CTNNA3: variants seen among roughly 807,000 people sequenced by gnomAD.
The protein encoded by CTNNA3 is catenin alpha 3, also known as catenin alpha-3.
A neutral mutation model predicts 95.7 loss-of-function variants in CTNNA3; 76 were observed. The ratio of observed to expected loss-of-function variants is 0.79; its 90% CI spans 0.66 to 0.96. CTNNA3 has a LOEUF of 0.96. CTNNA3 is among the 40% of genes least tolerant of loss of function. The probability of loss-of-function intolerance (pLI) is 0.00; values close to 1 mark genes in which losing one functional copy is unlikely to be tolerated. For missense variants in CTNNA3, 1,191 were observed against 1,089.8 expected (o/e 1.09, Z -1.31); for synonymous variants, 431 against 374.4 (o/e 1.15, Z -1.74).
intron 11 of CTNNA3, among the ~76,000 whole-genome samples, chr10:66,464,983 T>C (rs1243841215): frequency 6.6e-6 from 1 of 152,144 alleles, no homozygotes; most frequent in East Asian, 1.9e-4. Flanking sequence ...TCTTCCTTAG[T>C]TCCATATGGT....
At chr10:66,983,237 T>C (rs1308225526) in intron 7 of CTNNA3, among the ~76,000 whole-genome samples, 1 of 152,116 alleles carries the variant, frequency 6.6e-6, no homozygotes, top group Non-Finnish European at 1.5e-5. Flanking sequence ...CTGCCACAGA[T>C]TTCATTCCAT....
At chr10:67,471,725 C>T (rs1005407379) in intron 5 of CTNNA3, among the ~76,000 whole-genome samples, 6 of 152,050 alleles carry the variant, frequency 3.9e-5, no homozygotes, top group African/African-American at 1.4e-4. Context: ...CTGCATCTTG[C>T]CAAAGATGAG....
At chr10:67,291,651 A>T (rs1839841118) in intron 5 of CTNNA3, among the ~76,000 whole-genome samples, 1 of 152,176 alleles carries the variant, frequency 6.6e-6, no homozygotes, top group Admixed American at 6.6e-5. Flanking sequence ...TTTACTATGT[A>T]ACCATCTACC....
intron 13 of CTNNA3, among the ~76,000 whole-genome samples, chr10:66,256,492 G>A (rs1196464089): frequency 1.3e-5 from 2 of 149,434 alleles, no homozygotes; most frequent in African/African-American, 2.4e-5. Flanking sequence ...GGCCGAGGCG[G>A]GTGGATAACC....
intron 5 of CTNNA3, among the ~76,000 whole-genome samples, chr10:67,226,179 AAAG>A (rs1225473232): frequency 2.6e-5 from 4 of 152,284 alleles, no homozygotes; most frequent in African/African-American, 9.6e-5. Flanking sequence ...GACAAAGAAA[AAAG>A]AATAAGAAAA....
chr10:66,500,457 C>T (rs561147602), intron 11 of CTNNA3, among the ~76,000 whole-genome samples: 1 of 152,166 alleles, frequency 6.6e-6, no homozygotes, highest in East Asian at 1.9e-4. Flanking sequence ...TGGTTGAAAA[C>T]ACCTTACAGA....
At chr10:66,978,425 G>A (rs1850189167) in intron 7 of CTNNA3, among the ~76,000 whole-genome samples, 2 of 150,160 alleles carry the variant, frequency 1.3e-5, no homozygotes, top group African/African-American at 4.9e-5. Context: ...TATTCAGGAG[G>A]CTGAGGCAGG....
intron 5 of CTNNA3, among the ~76,000 whole-genome samples, chr10:67,497,882 T>C (rs890866258): frequency 6.6e-6 from 1 of 152,192 alleles, no homozygotes; most frequent in Admixed American, 6.5e-5. Context: ...ATTCAGTGGG[T>C]TGCCTGTTCA....
chr10:66,717,037 G>GAA lies in CTNNA3; in HGVS notation c.1281+49225_1281+49226dup, dbSNP rs796489841. On this transcript the variant is annotated intron_variant, in intron 9 of 17. Transcript: ENST00000433211. ...GCCATAAAAGCAAAAGATAAAAACAGAAAAAAAAAAAAACAGAAAACTGAG... is the reference window on the plus strand; with the variant it reads ...GCCATAAAAGCAAAAGATAAAAACAGAAAAAAAAAAAAAAACAGAAAACTGAG... 4.9e-3 allele frequency among the ~76,000 whole-genome samples: 665 copies of GAA among 135,208 alleles called. 6 individuals carry two copies. Among genetic ancestry groups the GAA allele is most frequent in the African/African-American group, 0.017 (630 of 37,130 alleles). The allele number at this position is 135,208 out of a possible 152,430, so 88.7% of individuals were successfully genotyped here.
chr10:66,023,251 G>A (rs1589260520), intron 15 of CTNNA3, among the ~76,000 whole-genome samples: 1 of 152,156 alleles, frequency 6.6e-6, no homozygotes, highest in East Asian at 1.9e-4. Flanking sequence ...GTTTTAAGTA[G>A]TTCGTGGAAT....
chr10:67,175,949 T>A (rs1255570380), intron 7 of CTNNA3, among the ~76,000 whole-genome samples: 3 of 152,146 alleles, frequency 2.0e-5, no homozygotes, highest in African/African-American at 4.8e-5. Flanking sequence ...TATAAAAAAA[T>A]TCCTTAATTA....
chr10:67,508,963 G>A (rs1178342099), intron 5 of CTNNA3, among the ~76,000 whole-genome samples: 2 of 151,264 alleles, frequency 1.3e-5, no homozygotes, highest in African/African-American at 2.4e-5. Flanking sequence ...TGCAACCTCC[G>A]CCTCCTGGGT....
chr10:66,489,989 T>C (rs1839868428), intron 11 of CTNNA3, among the ~76,000 whole-genome samples: 1 of 152,222 alleles, frequency 6.6e-6, no homozygotes, highest in African/African-American at 2.4e-5. Flanking sequence ...GGCGAAGGCA[T>C]ATTATTGTCA....
At chr10:67,123,403 A>T (rs951081852) in intron 7 of CTNNA3, among the ~76,000 whole-genome samples, 1 of 152,186 alleles carries the variant, frequency 6.6e-6, no homozygotes. Context: ...TAGCTACAAA[A>T]ATAGCAGAGT....
intron 15 of CTNNA3, among the ~76,000 whole-genome samples, chr10:66,028,811 A>G (rs1490262145): frequency 6.6e-6 from 1 of 152,148 alleles, no homozygotes; most frequent in Non-Finnish European, 1.5e-5. Context: ...TAGAAGTTAA[A>G]CTAAACCCAA....
intron 8 of CTNNA3, among the ~76,000 whole-genome samples, chr10:66,770,990 G>C (rs934867922): frequency 1.3e-5 from 2 of 152,082 alleles, no homozygotes; most frequent in Non-Finnish European, 2.9e-5. Context: ...TGTAAGTTTA[G>C]TGAAACTTGT....
chr10:67,270,198 A>C (rs1180584255), intron 5 of CTNNA3, among the ~76,000 whole-genome samples: 1 of 152,096 alleles, frequency 6.6e-6, no homozygotes, highest in Non-Finnish European at 1.5e-5. Flanking sequence ...CACGTCTACA[A>C]AAATTAAACA....
intron 7 of CTNNA3, among the ~76,000 whole-genome samples, chr10:66,952,436 G>A (rs1031605840): frequency 6.6e-6 from 1 of 152,124 alleles, no homozygotes; most frequent in African/African-American, 2.4e-5. Flanking sequence ...AATTTTTTAA[G>A]CTACGAAGGG....
rs75923769 is a variant in CTNNA3, at chr10:66,121,075, T to A, written c.1885-17826A>T. Among the ~76,000 whole-genome samples the A allele has an allele frequency of 2.8e-3, 433 of 152,316 alleles. 3 individuals are homozygous for A. Among genetic ancestry groups the A allele is most frequent in the Middle Eastern group, 0.02 (6 of 294 alleles). Reference sequence around the variant, plus strand: ...CTATATACATAACATGAAATGGAGATGTAATGCAACTGAAGCTAGGAAACA... The same window carrying A: ...CTATATACATAACATGAAATGGAGAAGTAATGCAACTGAAGCTAGGAAACA... On this transcript the variant is annotated intron_variant, in intron 13 of 17. Transcript: ENST00000433211.
Sources: allele counts gnomAD v4.1 joint callset (sites outside exome capture counted in the v4.1 genomes callset), GRCh38; gene constraint gnomAD v4.1.1; transcripts MANE v1.5; gene names NCBI Gene and HGNC (gene_info 2026-07-23, HGNC 2026-07-21).